The following TRPM3 variants were observed in gnomAD, a reference collection of about 807,000 sequenced individuals.
TRPM3 encodes the protein transient receptor potential cation channel subfamily M member 3.
Under a neutral mutation model 181.2 loss-of-function variants are expected in TRPM3, and 77 were observed. The observed-to-expected ratio is 0.42, with a 90% confidence interval of 0.35 to 0.51. TRPM3 has a LOEUF of 0.51. Ranked by LOEUF, TRPM3 falls within the 20% of genes least tolerant of loss-of-function variation. The pLI is 0.01. For missense variants in TRPM3, 1,759 were observed against 2,196.7 expected (o/e 0.80, Z 3.98); for synonymous variants, 745 against 796.4 (o/e 0.94, Z 1.09).
intron 1 of TRPM3, among the ~76,000 whole-genome samples, chr9:70,875,159 A>G (rs2095849698): frequency 6.6e-6 from 1 of 151,902 alleles, no homozygotes; most frequent in African/African-American, 2.4e-5. Flanking sequence ...TAGGAGTCTC[A>G]AGATATGCAT....
chr9:70,593,320 A>C (rs970486648), intron 21 of TRPM3, among the ~76,000 whole-genome samples: 6 of 152,244 alleles, frequency 3.9e-5, no homozygotes, highest in Admixed American at 3.3e-4. Flanking sequence ...TATAGAAAAC[A>C]TGGGTCTGTT....
At chr9:70,746,563 G>T (rs1564102975) in intron 8 of TRPM3, among the ~76,000 whole-genome samples, 2 of 152,080 alleles carry the variant, frequency 1.3e-5, no homozygotes, top group East Asian at 3.9e-4. Flanking sequence ...GTAGCCTGAG[G>T]GCCTGCAGAG....
chr9:71,407,084 G>A (rs1011719680), intron 1 of TRPM3, among the ~76,000 whole-genome samples: 3 of 152,036 alleles, frequency 2.0e-5, no homozygotes, highest in African/African-American at 2.4e-5. Flanking sequence ...GCTCAGAATC[G>A]GAAAAATCAA....
At chr9:70,635,839 G>A (rs954903910) in intron 11 of TRPM3, among the ~76,000 whole-genome samples, 1 of 152,088 alleles carries the variant, frequency 6.6e-6, no homozygotes, top group Non-Finnish European at 1.5e-5. Flanking sequence ...GAGATTCTAG[G>A]TTCAAACTTT....
intron 1 of TRPM3, among the ~76,000 whole-genome samples, chr9:71,262,874 C>T (rs563403092): frequency 2.6e-4 from 36 of 138,778 alleles, no homozygotes; most frequent in African/African-American, 7.4e-4. Flanking sequence ...TGAGATGAAC[C>T]GGGTACTTCA....
intron 1 of TRPM3, among the ~76,000 whole-genome samples, chr9:70,935,848 A>G (rs1419822665): frequency 1.3e-5 from 2 of 152,130 alleles, no homozygotes; most frequent in African/African-American, 4.8e-5. Context: ...TATGTTGTTC[A>G]CTCCAATCAG....
At chr9:71,134,008 TGTGTGTGC>T (rs1350127066) in intron 1 of TRPM3, among the ~76,000 whole-genome samples, 3 of 87,924 alleles carry the variant, frequency 3.4e-5, no homozygotes, top group African/African-American at 1.8e-4. Flanking sequence ...TGTGTGTGTG[TGTGTGTGC>T]GCGTGCGCGC....
chr9:70,873,752 C>T (rs1290764909), intron 1 of TRPM3, among the ~76,000 whole-genome samples: 2 of 151,960 alleles, frequency 1.3e-5, no homozygotes, highest in African/African-American at 4.8e-5. Context: ...AAGAGTCACA[C>T]GATATAATAC....
chr9:71,437,418 T>A (rs2094058681), intron 1 of TRPM3, among the ~76,000 whole-genome samples: 1 of 152,194 alleles, frequency 6.6e-6, no homozygotes, highest in Admixed American at 6.5e-5. Flanking sequence ...TAATATTTCA[T>A]AAGGTAAAAA....
intron 1 of TRPM3, among the ~76,000 whole-genome samples, chr9:71,403,387 G>A (rs1304183389): frequency 6.6e-6 from 1 of 152,150 alleles, no homozygotes; most frequent in East Asian, 1.9e-4. Flanking sequence ...TAGAAACTGA[G>A]TTTGTCCACT....
At chr9:70,971,862 G>A (rs2097250818) in intron 1 of TRPM3, among the ~76,000 whole-genome samples, 1 of 152,078 alleles carries the variant, frequency 6.6e-6, no homozygotes, top group Non-Finnish European at 1.5e-5. Flanking sequence ...TAGTCATTAG[G>A]GAAGTGCAAA....
chr9:71,104,714 T>C (rs1212153261), intron 1 of TRPM3, among the ~76,000 whole-genome samples: 1 of 152,206 alleles, frequency 6.6e-6, no homozygotes, highest in African/African-American at 2.4e-5. Context: ...TTGTTATTGC[T>C]TTTAAAGGTA....
intron 8 of TRPM3, among the ~76,000 whole-genome samples, chr9:70,753,654 C>T (rs145210050): frequency 1.8e-3 from 269 of 152,150 alleles, no homozygotes; most frequent in Admixed American, 6.5e-4. Context: ...TTGCTTGAGG[C>T]GTTTGATCTC....
At chr9:71,264,329 C>T (rs1352011276) in intron 1 of TRPM3, among the ~76,000 whole-genome samples, 1 of 152,100 alleles carries the variant, frequency 6.6e-6, no homozygotes, top group African/African-American at 2.4e-5. Flanking sequence ...ATCGCACCTC[C>T]CCTCCCATCT....
chr9:70,587,637 C>A (rs1822495746), intron 22 of TRPM3, among the ~76,000 whole-genome samples: 1 of 152,134 alleles, frequency 6.6e-6, no homozygotes, highest in African/African-American at 2.4e-5. Context: ...CCTCAAGCTC[C>A]AGTGGGATCC....
intron 1 of TRPM3, among the ~76,000 whole-genome samples, chr9:71,038,612 CTCAT>C (rs1309373681): frequency 6.6e-6 from 1 of 152,042 alleles, no homozygotes; most frequent in African/African-American, 2.4e-5. Flanking sequence ...CTTTCATTCA[CTCAT>C]TCATTCATAT....
At chr9:70,573,770 T>C (rs1288986061) in intron 22 of TRPM3, among the ~76,000 whole-genome samples, 2 of 152,060 alleles carry the variant, frequency 1.3e-5, no homozygotes, top group African/African-American at 4.8e-5. Context: ...CTGTTAGAGT[T>C]CAGGTCTAAT....
At chr9:71,322,990 C>CTAT (rs2089377964) in intron 1 of TRPM3, among the ~76,000 whole-genome samples, 2 of 152,120 alleles carry the variant, frequency 1.3e-5, no homozygotes, top group Non-Finnish European at 2.9e-5. Context: ...CAATATTTCT[C>CTAT]CATCTTTTTT....
intron 1 of TRPM3, among the ~76,000 whole-genome samples, chr9:70,873,310 C>T (rs1039240227): frequency 6.6e-6 from 1 of 151,912 alleles, no homozygotes; most frequent in African/African-American, 2.4e-5. Context: ...CAGCTGCCTC[C>T]AGAGAACACT....
Sources: gnomAD v4.1 joint callset for allele counts (sites outside exome capture counted in the v4.1 genomes callset) on GRCh38, gnomAD v4.1.1 for gene constraint, MANE v1.5 for transcripts, NCBI Gene and HGNC (gene_info 2026-07-23, HGNC 2026-07-21) for gene names.